Variants in TNKS observed in about 807,000 individuals in gnomAD.
The protein encoded by TNKS is tankyrase.
In TNKS, 72 loss-of-function variants were observed where a neutral mutation model predicts 135.8. That is an observed-to-expected ratio of 0.53 (90% CI 0.44 to 0.64). The LOEUF is 0.64. Among genes scored for constraint, TNKS ranks in the 30% least tolerant of loss-of-function variants. The pLI is 0.00. For synonymous variants in TNKS, 849 were observed against 649.3 expected, an observed-to-expected ratio of 1.31 and a Z score of -4.68; for missense variants, 1,769 against 1,674.0, an observed-to-expected ratio of 1.06 and a Z score of -0.99.
chr8:9,573,989 G>C lies in TNKS; in HGVS notation c.674-6170G>C, dbSNP rs1797852935. On this transcript the variant is annotated intron_variant, in intron 1 of 26. Coordinates refer to ENST00000310430, the MANE Select transcript of TNKS (RefSeq NM_003747.3). ...GCTGAACATAAGTGAATGGAGAATAGATACCAGTGACCTTAAATTTGATAT... is the reference window on the plus strand; with the variant it reads ...GCTGAACATAAGTGAATGGAGAATACATACCAGTGACCTTAAATTTGATAT... 2.0e-5 allele frequency among the ~76,000 whole-genome samples: 3 copies of C among 152,158 alleles called. No individual in the cohort carries two copies. The South Asian group carries it at 6.2e-4, about 31-fold the overall frequency.
At chr8:9,718,938 AAT>A (rs1424625873) in intron 11 of TNKS, among the ~76,000 whole-genome samples, 1 of 152,222 alleles carries the variant, frequency 6.6e-6, no homozygotes, top group Non-Finnish European at 1.5e-5. Context: ...ACTATAATAG[AAT>A]AAGTTAGTAT....
intron 3 of TNKS, among the ~76,000 whole-genome samples, chr8:9,652,100 A>G (rs936287547): frequency 6.6e-6 from 1 of 152,236 alleles, no homozygotes; most frequent in African/African-American, 2.4e-5. Context: ...ATAGCTTTTT[A>G]TAATTACTGA....
chr8:9,773,651 T>C (rs933577628), intron 26 of TNKS, among the ~76,000 whole-genome samples: 14 of 152,182 alleles, frequency 9.2e-5, no homozygotes, highest in Non-Finnish European at 1.8e-4. Context: ...CAGGTAAAAT[T>C]TGACTTGATA....
intron 1 of TNKS, 129 bp downstream of exon 1, chr8:9,556,741 A>G: frequency 2.2e-6 from 2 of 928,396 alleles, no homozygotes; most frequent in Non-Finnish European, 3.1e-6. Flanking sequence ...ACCTCACCAG[A>G]AGACTGGAGG....
intron 3 of TNKS, among the ~76,000 whole-genome samples, chr8:9,638,069 A>T (rs942329630): frequency 1.3e-5 from 2 of 152,146 alleles, no homozygotes; most frequent in African/African-American, 4.8e-5. Context: ...TCTGGGCCCA[A>T]GGTATCCTCC....
rs1281544225 is a variant in TNKS, at chr8:9,658,547, C to T, written c.995-21404C>T. Reference sequence around the variant, plus strand: ...ACAAGCAAATGCTGAGAGATTTTGTCACCACCAGGCCTGCCCTAAAAGAGC... The same window carrying T: ...ACAAGCAAATGCTGAGAGATTTTGTTACCACCAGGCCTGCCCTAAAAGAGC... On this transcript the variant is annotated intron_variant, in intron 3 of 26. Transcript: ENST00000310430. 1.6e-5 allele frequency: 6 copies of T among 369,842 alleles called. No individual in the cohort carries two copies. In the East Asian group the frequency reaches 3.3e-4, roughly 20 times the overall value. 22.9% of individuals were successfully genotyped at this position (369,842 alleles called of 1,614,324 possible). A position where few individuals can be genotyped will look rare whatever the true frequency, so the allele number is the denominator to read the frequency against.
intron 21 of TNKS, among the ~76,000 whole-genome samples, chr8:9,762,857 A>C (rs1367051061): frequency 6.6e-6 from 1 of 151,370 alleles, no homozygotes; most frequent in Non-Finnish European, 1.5e-5. Context: ...GTAAGCCGAG[A>C]TCACGTCACT....
At chr8:9,742,445 T>C (rs1163706852) in intron 17 of TNKS, among the ~76,000 whole-genome samples, 2 of 151,974 alleles carry the variant, frequency 1.3e-5, no homozygotes, top group Non-Finnish European at 2.9e-5. Context: ...ATTTTCCCTG[T>C]TCACGATCTC....
At position 9,643,184 on chromosome 8, in the gene TNKS, A is replaced by G. The variant is rs919909084; in HGVS notation, c.994+27507A>G. Among the ~76,000 whole-genome samples the G allele has an allele frequency of 3.4e-5, 5 of 146,386 alleles. No homozygotes were observed. In the South Asian group the frequency reaches 6.6e-4, roughly 19 times the overall value. On this transcript the variant is annotated intron_variant, in intron 3 of 26. Coordinates refer to ENST00000310430, the MANE Select transcript of TNKS (RefSeq NM_003747.3). ...ACTTCGGCAGTGCCACCTTGCACCC[A>G]TTAGGATGGCTATTGCCTTAGTCCA...
intron 3 of TNKS, among the ~76,000 whole-genome samples, chr8:9,669,284 G>A (rs1043974197): frequency 4.6e-5 from 7 of 151,670 alleles, no homozygotes; most frequent in Non-Finnish European, 8.8e-5. Context: ...CGGGCGCGGT[G>A]GCGGGCGCCT....
chr8:9,581,065 C>G (rs1798146143), intron 2 of TNKS, among the ~76,000 whole-genome samples: 1 of 152,010 alleles, frequency 6.6e-6, no homozygotes, highest in African/African-American at 2.4e-5. Flanking sequence ...TTTTTTGATA[C>G]TTGAGATGAT....
chr8:9,616,181 C>T (rs1460176459), intron 3 of TNKS, among the ~76,000 whole-genome samples: 1 of 152,126 alleles, frequency 6.6e-6, no homozygotes, highest in Non-Finnish European at 1.5e-5. Context: ...TTATTTTTAA[C>T]TGAGGCGTTT....
Position 9,704,713 on chromosome 8 carries a change from G to C in TNKS, c.1158G>C (p.Gln386His), listed in dbSNP as rs763198422. The change falls in exon 6 of 27, where the codon CAG becomes CAC. Residue 386 changes from glutamine (Q) to histidine (H), a missense_variant. By Grantham distance (24) the Gln-to-His change is conservative. Transcript: ENST00000310430. ...AAGYNRVRIV[Q>H]LLLQHGADVH... ...GCTACAACAGAGTTCGAATAGTTCAGCTTCTTCTTCAGCATGGTGCTGATG... is the reference window on the plus strand; with the variant it reads ...GCTACAACAGAGTTCGAATAGTTCACCTTCTTCTTCAGCATGGTGCTGATG... 2 of 1,613,566 alleles carry C rather than the reference G, an allele frequency of 1.2e-6. No homozygotes were observed. Among genetic ancestry groups the C allele is most frequent in the East Asian group, 2.2e-5 (1 of 44,852 alleles).
chr8:9,694,470 G>A (rs1803421455), intron 5 of TNKS, among the ~76,000 whole-genome samples: 1 of 151,976 alleles, frequency 6.6e-6, no homozygotes, highest in Non-Finnish European at 1.5e-5. Flanking sequence ...CTTTCAAAAA[G>A]TATTGTCCAG....
intron 9 of TNKS, among the ~76,000 whole-genome samples, chr8:9,709,394 A>T (rs1029963090): frequency 6.6e-6 from 1 of 152,198 alleles, no homozygotes; most frequent in Non-Finnish European, 1.5e-5. Flanking sequence ...TTTTATTTTT[A>T]AATTTTAATA....
At chr8:9,651,369 A>G (rs4128324) in intron 3 of TNKS, among the ~76,000 whole-genome samples, 23,293 of 152,110 alleles carry the variant, frequency 0.15, 1,972 homozygotes, top group Admixed American at 0.24. Context: ...TGACATATGC[A>G]TATGTCTTTT....
chr8:9,757,595 G>T (rs550329825), intron 20 of TNKS, among the ~76,000 whole-genome samples: 1 of 152,064 alleles, frequency 6.6e-6, no homozygotes, highest in South Asian at 2.1e-4. Flanking sequence ...AGCCCCCCTT[G>T]CAACCGTGAC....
chr8:9,604,762 A>T, intron 2 of TNKS, among the ~76,000 whole-genome samples: 1 of 151,528 alleles, frequency 6.6e-6, no homozygotes, highest in Non-Finnish European at 1.5e-5. Flanking sequence ...GTATGTGTGT[A>T]TGTATATATA....
chr8:9,643,339 G>C (rs1800790625), intron 3 of TNKS, among the ~76,000 whole-genome samples: 1 of 145,852 alleles, frequency 6.9e-6, no homozygotes, highest in Admixed American at 7.2e-5. Context: ...CCTGTTTGCT[G>C]TGTCATCCCA....
Sources: gnomAD v4.1 joint callset for allele counts (sites outside exome capture counted in the v4.1 genomes callset) on GRCh38, gnomAD v4.1.1 for gene constraint, MANE v1.5 for transcripts, NCBI Gene and HGNC (gene_info 2026-07-23, HGNC 2026-07-21) for gene names.